The following FNDC9 variants were observed in gnomAD, a reference collection of about 807,000 sequenced individuals.
FNDC9 encodes the protein fibronectin type III domain-containing protein 9.
A neutral mutation model predicts 9.0 loss-of-function variants in FNDC9; 3 were observed. The ratio of observed to expected loss-of-function variants is 0.33; its 90% CI spans 0.15 to 0.86. The LOEUF (loss-of-function observed/expected upper bound fraction) is 0.86, where lower values mean the gene tolerates loss of function less well. Among genes scored for constraint, FNDC9 ranks in the 40% least tolerant of loss-of-function variants. The pLI is 0.53. For missense variants in FNDC9, 279 were observed against 287.2 expected (o/e 0.97, Z 0.21); for synonymous variants, 114 against 115.6 (o/e 0.99, Z 0.09).
At position 157,342,876 on chromosome 5, in the gene FNDC9, G is replaced by A; in HGVS notation, c.661C>T (p.His221Tyr). ...CCTCCCCACTCTCATTCCCCACAAT[G>A]AGGCAGTATAGCGGGTGGGTCACCA... Reference protein sequence around the residue: ...GGGDPPAILPHCGE With the variant: ...GGGDPPAILPYCGE Residue 221 changes from histidine to tyrosine, a missense_variant, in exon 2 of 2, where the codon CAT (histidine) becomes TAT (tyrosine). Transcript: ENST00000312349. The A allele has an allele frequency of 1.2e-6, 2 of 1,612,484 alleles. No homozygotes were observed. Among genetic ancestry groups the A allele is most frequent in the Non-Finnish European group, 1.7e-6 (2 of 1,179,134 alleles).
Position 157,344,568 on chromosome 5 carries a change from C to T in FNDC9, c.-8+973G>A, listed in dbSNP as rs185752836. On this transcript the variant is annotated intron_variant, in intron 1 of 1. Coordinates refer to ENST00000312349, the MANE Select transcript of FNDC9 (RefSeq NM_001001343.4). ...GAGCCCTCTTTAGATTGCCAGGCCC[C>T]GCTTTGATAAGAGAGAGCCATCTTC... Among the ~76,000 whole-genome samples the T allele has an allele frequency of 5.8e-4, 88 of 152,278 alleles. 1 individual carries two copies. Among genetic ancestry groups the T allele is most frequent in the Admixed American group, 5.4e-3 (83 of 15,290 alleles).
intron 1 of FNDC9, chr5:157,345,283 T>A (rs1285205352): frequency 6.6e-6 from 1 of 152,406 alleles, no homozygotes; most frequent in African/African-American, 2.4e-5. Flanking sequence ...ACAAATGTTC[T>A]CTTGGCTTCC....
Position 157,345,598 on chromosome 5 carries a change from G to A in FNDC9, c.-65C>T, listed in dbSNP as rs1762623987. On this transcript the variant is annotated 5_prime_UTR_variant, in exon 1 of 2. Transcript: ENST00000312349. Reference sequence around the variant, plus strand: ...GCCCTCCGAGGTGCAGTAGATTAAAGCTGAGAGAATGGGGCCTTCTCCCTC... The same window carrying A: ...GCCCTCCGAGGTGCAGTAGATTAAAACTGAGAGAATGGGGCCTTCTCCCTC... The A allele has an allele frequency of 6.5e-6, 1 of 152,680 alleles. No homozygotes were observed. The highest frequency in any genetic ancestry group is 2.4e-5 in the African/African-American group (1 of 41,450). 9.5% of individuals were successfully genotyped at this position (152,680 alleles called of 1,614,324 possible). A position where few individuals can be genotyped will look rare whatever the true frequency, so the allele number is the denominator to read the frequency against.
At position 157,342,819 on chromosome 5, in the gene FNDC9, G is replaced by C. The variant is rs779332505; in HGVS notation, c.*43C>G. On this transcript the variant is annotated 3_prime_UTR_variant, in exon 2 of 2. Transcript: ENST00000312349. ...ATTTGTACAAACGACCTACTGTGTG[G>C]AAAGCTTTAGGCTACATGATGCGGG... 2.6e-6 allele frequency: 4 copies of C among 1,551,862 alleles called. No individual in the cohort carries two copies.
In FNDC9 at chr5:157,342,778, G is replaced by T; in HGVS notation, c.*84C>A. The T allele has an allele frequency of 1.5e-6, 2 of 1,320,052 alleles. No homozygotes were observed. Among genetic ancestry groups the T allele is most frequent in the Non-Finnish European group, 2.1e-6 (2 of 975,370 alleles). The allele number at this position is 1,320,052 out of a possible 1,614,324, so 81.8% of individuals were successfully genotyped here. A position where few individuals can be genotyped will look rare whatever the true frequency, so the allele number is the denominator to read the frequency against. On this transcript the variant is annotated 3_prime_UTR_variant, in exon 2 of 2. Coordinates refer to ENST00000312349, the MANE Select transcript of FNDC9 (RefSeq NM_001001343.4). Reference sequence around the variant, plus strand: ...AGTGACGTTTGATGGGAGAGAAATGGGTAGTCTATAGACACATTTGTACAA... The same window carrying T: ...AGTGACGTTTGATGGGAGAGAAATGTGTAGTCTATAGACACATTTGTACAA...
At chr5:157,344,326 A>T (rs186574500) in intron 1 of FNDC9, among the ~76,000 whole-genome samples, 1 of 152,278 alleles carries the variant, frequency 6.6e-6, no homozygotes, top group Non-Finnish European at 1.5e-5. Context: ...ACAGGCAGTA[A>T]TTAATTTCCT....
Position 157,342,800 on chromosome 5 carries a change from A to G in FNDC9, c.*62T>C. On this transcript the variant is annotated 3_prime_UTR_variant, in exon 2 of 2. Transcript: ENST00000312349. ...ATGGGTAGTCTATAGACACATTTGTACAAACGACCTACTGTGTGGAAAGCT... is the reference window on the plus strand; with the variant it reads ...ATGGGTAGTCTATAGACACATTTGTGCAAACGACCTACTGTGTGGAAAGCT... The G allele has an allele frequency of 6.7e-7, 1 of 1,487,628 alleles. No homozygotes were observed. Among genetic ancestry groups the G allele is most frequent in the African/African-American group, 1.4e-5 (1 of 71,402 alleles). The allele number at this position is 1,487,628 out of a possible 1,614,324, so 92.2% of individuals were successfully genotyped here.
Position 157,342,939 on chromosome 5 carries a change from G to T in FNDC9, c.598C>A (p.Gln200Lys). Residue 200 changes from glutamine (Q) to lysine (K), a missense_variant, in exon 2 of 2, where the codon CAG becomes AAG. Physicochemically the swap from Gln to Lys is moderately conservative, Grantham distance 53. Coordinates refer to ENST00000312349, the MANE Select transcript of FNDC9 (RefSeq NM_001001343.4). ...DGAELDPEAN[Q>K]DAPDAGALQR... is the part of the protein sequence containing the mutation. The stretch of plus-strand genomic sequence containing the variant: ...AAGGCACCCGCATCAGGGGCATCCT[G>T]GTTGGCTTCGGGATCCAGTTCAGCT... The T allele has an allele frequency of 1.2e-6, 2 of 1,614,216 alleles. No homozygotes were observed. Among genetic ancestry groups the T allele is most frequent in the Non-Finnish European group, 1.7e-6 (2 of 1,180,028 alleles).
rs771414260 is a variant in FNDC9, at chr5:157,342,817, T to C, written c.*45A>G. 14 of 1,549,162 alleles carry C rather than the reference T, an allele frequency of 9.0e-6. No homozygotes were observed. The highest frequency in any genetic ancestry group is 1.1e-5 in the Non-Finnish European group (13 of 1,145,026). ...ACATTTGTACAAACGACCTACTGTG[T>C]GGAAAGCTTTAGGCTACATGATGCG... is the stretch of plus-strand genomic sequence containing the variant. On this transcript the variant is annotated 3_prime_UTR_variant, in exon 2 of 2. Coordinates refer to ENST00000312349, the MANE Select transcript of FNDC9 (RefSeq NM_001001343.4).
intron 1 of FNDC9, among the ~76,000 whole-genome samples, chr5:157,344,234 C>G (rs1200195548): frequency 1.3e-5 from 2 of 152,124 alleles, no homozygotes; most frequent in Non-Finnish European, 2.9e-5. Flanking sequence ...CTATTTAATT[C>G]TGCTGTTATT....
Position 157,341,645 on chromosome 5 carries a change from C to T in FNDC9, c.*1217G>A. 6.4e-6 allele frequency: 1 copy of T among 156,626 alleles called. No individual in the cohort carries two copies. Among genetic ancestry groups the T allele is most frequent in the South Asian group, 1.9e-4 (1 of 5,348 alleles). The allele number at this position is 156,626 out of a possible 1,614,324, so 9.7% of individuals were successfully genotyped here. A position where few individuals can be genotyped will look rare whatever the true frequency, so the allele number is the denominator to read the frequency against. ...TGTTCACAAGTAGCAGGAATGGGGG[C>T]AAAAGTCTGGGTGCCGAGCAGGGAA... On this transcript the variant is annotated 3_prime_UTR_variant, in exon 2 of 2. Transcript: ENST00000312349.
chr5:157,344,416 A>G (rs1378184514), intron 1 of FNDC9, among the ~76,000 whole-genome samples: 2 of 152,168 alleles, frequency 1.3e-5, no homozygotes, highest in East Asian at 3.8e-4. Flanking sequence ...ATACGTAGAA[A>G]AAGGACTTAG....
rs2113257167 is a variant in FNDC9 at position 157,343,029 on chromosome 5, G to A, written c.508C>T (p.Gln170Ter). The A allele has an allele frequency of 1.2e-6, 2 of 1,614,212 alleles. No individual in the cohort carries two copies. Among genetic ancestry groups the A allele is most frequent in the South Asian group, 1.1e-5 (1 of 91,074 alleles). Residue 170 changes from glutamine (Q) to a stop codon, truncating the protein, a stop_gained, in exon 2 of 2, where the codon CAG becomes TAG. Transcript: ENST00000312349. LOFTEE classifies it low-confidence loss of function (END_TRUNC). ...AGCCCCTGCAGGTCTTCCTCCCTCTGACCAAGATCCGGGGCCTCCTCTGGC... is the reference window on the plus strand; with the variant it reads ...AGCCCCTGCAGGTCTTCCTCCCTCTAACCAAGATCCGGGGCCTCCTCTGGC... ...RWPEEAPDLG[Q>*]REEDLQGLPL... is the part of the protein sequence containing the mutation.
rs1286746476 is a variant in FNDC9 at position 157,343,358 on chromosome 5, G to C, written c.179C>G (p.Ser60Cys). ...AGGGGCAAGATGTTCCAGCACCACG[G>C]AGCTGATCGTTCGAGGCACCTTCTC... ...HEEKVPRTIS[S>C]VVLEHLAPST... is the part of the protein sequence containing the mutation. Residue 60 changes from serine to cysteine, a missense_variant, in exon 2 of 2, where the codon TCC becomes TGC. Physicochemically the swap from Ser to Cys is moderately radical, Grantham distance 112 (BLOSUM62 -1). Transcript: ENST00000312349. 14 of 1,614,052 alleles carry C rather than the reference G, an allele frequency of 8.7e-6. 1 individual carries two copies. In the African/African-American group the frequency reaches 1.9e-4, roughly 22 times the overall value.
chr5:157,343,823 T>A (rs937863857), intron 1 of FNDC9, among the ~76,000 whole-genome samples: 2 of 151,932 alleles, frequency 1.3e-5, no homozygotes, highest in Non-Finnish European at 2.9e-5. Context: ...ATCCTTCAGA[T>A]AACAAAGGGG....
Position 157,342,016 on chromosome 5 carries a change from G to A in FNDC9, c.*846C>T, listed in dbSNP as rs1762304070. ...TCTTTCAAACCTTATGCTATATCAA[G>A]GAGAAAGACAAATATTGGTGCTAAT... On this transcript the variant is annotated 3_prime_UTR_variant, in exon 2 of 2. Transcript: ENST00000312349. 6.6e-6 allele frequency: 1 copy of A among 152,556 alleles called. No homozygotes were observed. Among genetic ancestry groups the A allele is most frequent in the African/African-American group, 2.4e-5 (1 of 41,430 alleles). 9.5% of individuals were successfully genotyped at this position (152,556 alleles called of 1,614,324 possible).
chr5:157,345,189 G>T (rs1489919707), intron 1 of FNDC9, among the ~76,000 whole-genome samples: 1 of 152,180 alleles, frequency 6.6e-6, no homozygotes, highest in Admixed American at 6.5e-5. Context: ...CGACCACGAT[G>T]AAAAGAGCTT....
chr5:157,344,342 C>CT (rs1686026183), intron 1 of FNDC9, among the ~76,000 whole-genome samples: 1 of 152,122 alleles, frequency 6.6e-6, no homozygotes, highest in Non-Finnish European at 1.5e-5. Flanking sequence ...TTCCTTTATT[C>CT]TTCATCACAT....
Position 157,342,775 on chromosome 5 carries a change from A to G in FNDC9, c.*87T>C. ...AGCAGTGACGTTTGATGGGAGAGAA[A>G]TGGGTAGTCTATAGACACATTTGTA... On this transcript the variant is annotated 3_prime_UTR_variant, in exon 2 of 2. Transcript: ENST00000312349. The G allele has an allele frequency of 2.3e-6, 3 of 1,307,940 alleles. No homozygotes were observed. In the African/African-American group the frequency reaches 4.4e-5, roughly 19 times the overall value. 81.0% of individuals were successfully genotyped at this position (1,307,940 alleles called of 1,614,324 possible). A position where few individuals can be genotyped will look rare whatever the true frequency, so the allele number is the denominator to read the frequency against.
Sources: gnomAD v4.1 joint callset for allele counts (sites outside exome capture counted in the v4.1 genomes callset) on GRCh38, gnomAD v4.1.1 for gene constraint, MANE v1.5 for transcripts, NCBI Gene and HGNC (gene_info 2026-07-23, HGNC 2026-07-21) for gene names.